The following CSMD1 variants were observed in gnomAD, a reference collection of about 807,000 sequenced individuals.
CSMD1 encodes CUB and sushi domain-containing protein 1.
A neutral mutation model predicts 417.5 loss-of-function variants in CSMD1; 213 were observed. The ratio of observed to expected loss-of-function variants is 0.51; its 90% CI spans 0.46 to 0.57. CSMD1 has a LOEUF of 0.57. Ranked by LOEUF, CSMD1 falls within the 20% of genes least tolerant of loss-of-function variation. The probability of loss-of-function intolerance (pLI) is 0.00; values close to 1 mark genes in which losing one functional copy is unlikely to be tolerated. For missense variants in CSMD1, 6,923 were observed against 4,529.7 expected, an observed-to-expected ratio of 1.53 and a Z score of -15.17; for synonymous variants, 2,862 against 1,736.8, an observed-to-expected ratio of 1.65 and a Z score of -16.11.
chr8:4,213,196 C>T (rs1191796972), intron 3 of CSMD1, among the ~76,000 whole-genome samples: 1 of 152,118 alleles, frequency 6.6e-6, no homozygotes, highest in Non-Finnish European at 1.5e-5. Context: ...GAATGTGAAT[C>T]ATATTTCACT....
chr8:3,418,391 C>T (rs1813289228), intron 12 of CSMD1, among the ~76,000 whole-genome samples: 1 of 152,156 alleles, frequency 6.6e-6, no homozygotes, highest in African/African-American at 2.4e-5. Context: ...GAATTCAGAA[C>T]TTTGTTGGTG....
At position 3,018,572 on chromosome 8, in the gene CSMD1, A is replaced by T. The variant is rs753156114; in HGVS notation, c.7934T>A (p.Ile2645Lys). The change falls in exon 52 of 70, where the codon ATA becomes AAA. Residue 2645 changes from isoleucine to lysine, a missense_variant. Ile to Lys is a moderately radical substitution (Grantham distance 102). Coordinates refer to ENST00000635120, the MANE Select transcript of CSMD1 (RefSeq NM_033225.6). ...GTLTVYGATA[I>K]FTCNTGYTLV... Reference sequence around the variant, plus strand: ...CGTGTAGCCGGTGTTGCACGTAAATATAGCTGTGGCCCCATAAACTGTCAA... The same window carrying T: ...CGTGTAGCCGGTGTTGCACGTAAATTTAGCTGTGGCCCCATAAACTGTCAA... The T allele has an allele frequency of 6.2e-7, 1 of 1,613,756 alleles. No individual in the cohort carries two copies. The highest frequency in any genetic ancestry group is 2.2e-5 in the East Asian group (1 of 44,860).
At chr8:3,959,031 A>G (rs1232793431) in intron 5 of CSMD1, among the ~76,000 whole-genome samples, 1 of 152,102 alleles carries the variant, frequency 6.6e-6, no homozygotes, top group Non-Finnish European at 1.5e-5. Context: ...CGGCTTCTCC[A>G]TGCTCCTCCA....
At chr8:4,918,035 C>G (rs1415204977) in intron 1 of CSMD1, among the ~76,000 whole-genome samples, 1 of 152,118 alleles carries the variant, frequency 6.6e-6, no homozygotes, top group African/African-American at 2.4e-5. Flanking sequence ...TAAAATAATA[C>G]TAGACTTTGT....
At chr8:3,033,485 C>T (rs151004327) in intron 50 of CSMD1, among the ~76,000 whole-genome samples, 4 of 152,058 alleles carry the variant, frequency 2.6e-5, no homozygotes, top group East Asian at 1.9e-4. Flanking sequence ...CTGAGAATGA[C>T]GGTTAACACG....
Position 3,487,199 on chromosome 8 carries a change from T to TTTTTAA in CSMD1, c.1448+6423_1448+6424insTTAAAA, listed in dbSNP as rs1554439803. Among the ~76,000 whole-genome samples the TTTTTAA allele has an allele frequency of 3.6e-3, 538 of 150,812 alleles. 8 individuals carry two copies. The highest frequency in any genetic ancestry group is 0.013 in the African/African-American group (517 of 40,932). On this transcript the variant is annotated intron_variant, in intron 11 of 69. Coordinates refer to ENST00000635120, the MANE Select transcript of CSMD1 (RefSeq NM_033225.6). ...AGTGATTGATGTATTATCAGCATACTTTTTTATTTATTTAGTTTTTGAGAC... is the reference window on the plus strand; with the variant it reads ...AGTGATTGATGTATTATCAGCATACTTTTTAATTTTTATTTATTTAGTTTTTGAGAC...
intron 8 of CSMD1, among the ~76,000 whole-genome samples, chr8:3,614,965 T>G (rs1481856483): frequency 6.6e-6 from 1 of 152,212 alleles, no homozygotes; most frequent in East Asian, 1.9e-4. Flanking sequence ...AAGACATGAC[T>G]GTTGACACAA....
At chr8:4,839,735 G>A (rs188433786) in intron 1 of CSMD1, among the ~76,000 whole-genome samples, 3 of 152,268 alleles carry the variant, frequency 2.0e-5, no homozygotes, top group African/African-American at 7.2e-5. Context: ...ACTATACAAA[G>A]TTTAATAGCC....
chr8:4,173,089 A>C (rs567902536), intron 3 of CSMD1, among the ~76,000 whole-genome samples: 1 of 152,274 alleles, frequency 6.6e-6, no homozygotes, highest in East Asian at 1.9e-4. Context: ...AATTTCAGGG[A>C]AAGGTTGTAT....
At chr8:3,522,639 C>T (rs912323688) in intron 10 of CSMD1, among the ~76,000 whole-genome samples, 4 of 152,052 alleles carry the variant, frequency 2.6e-5, no homozygotes. Context: ...CATGGCAGTA[C>T]TTTATTGCAG....
chr8:3,918,593 T>C (rs1378821880), intron 5 of CSMD1, among the ~76,000 whole-genome samples: 3 of 152,172 alleles, frequency 2.0e-5, no homozygotes, highest in East Asian at 3.8e-4. Flanking sequence ...TAACCCCTTA[T>C]TGAATACGTG....
intron 23 of CSMD1, among the ~76,000 whole-genome samples, chr8:3,319,441 T>A (rs950132917): frequency 6.6e-6 from 1 of 152,198 alleles, no homozygotes; most frequent in Non-Finnish European, 1.5e-5. Flanking sequence ...ATAGCTTGAG[T>A]AATTAAATAT....
At chr8:4,187,379 G>A (rs940237025) in intron 3 of CSMD1, among the ~76,000 whole-genome samples, 1 of 152,132 alleles carries the variant, frequency 6.6e-6, no homozygotes, top group Non-Finnish European at 1.5e-5. Flanking sequence ...AGGCACGGTG[G>A]CTGATGCCTA....
chr8:4,884,767 G>A (rs764807679), intron 1 of CSMD1, among the ~76,000 whole-genome samples: 4 of 152,018 alleles, frequency 2.6e-5, no homozygotes, highest in South Asian at 2.1e-4. Flanking sequence ...GTCTTATTGC[G>A]GTAGCTTTGG....
At chr8:3,725,325 G>A (rs1259496095) in intron 6 of CSMD1, among the ~76,000 whole-genome samples, 1 of 152,188 alleles carries the variant, frequency 6.6e-6, no homozygotes, top group African/African-American at 2.4e-5. Flanking sequence ...TCATAGGGCA[G>A]GACAAACATA....
intron 10 of CSMD1, among the ~76,000 whole-genome samples, chr8:3,508,133 C>G (rs975746578): frequency 4.6e-5 from 7 of 152,082 alleles, no homozygotes; most frequent in African/African-American, 1.4e-4. Context: ...GACAAAAAAC[C>G]AAACACCACA....
intron 1 of CSMD1, among the ~76,000 whole-genome samples, chr8:4,766,395 C>G (rs749517515): frequency 6.6e-6 from 1 of 152,126 alleles, no homozygotes; most frequent in South Asian, 2.1e-4. Context: ...ACGAGAACAT[C>G]GTCCAAAGCC....
chr8:4,127,314 G>C (rs1041457697), intron 3 of CSMD1, among the ~76,000 whole-genome samples: 25 of 151,748 alleles, frequency 1.6e-4, no homozygotes, highest in South Asian at 4.2e-4. Context: ...TCTTATTCTA[G>C]ACTTCTTTCT....
intron 4 of CSMD1, among the ~76,000 whole-genome samples, chr8:4,006,035 G>GA (rs1167683474): frequency 2.0e-5 from 3 of 151,966 alleles, no homozygotes; most frequent in Admixed American, 6.5e-5. Flanking sequence ...GGACAGATTT[G>GA]AAAAAAAGGA....
Sources: allele counts gnomAD v4.1 joint callset (sites outside exome capture counted in the v4.1 genomes callset), GRCh38; gene constraint gnomAD v4.1.1; transcripts MANE v1.5; gene names NCBI Gene and HGNC (gene_info 2026-07-23, HGNC 2026-07-21).